Variants in ASCC3 observed in about 807,000 individuals in gnomAD.
ASCC3 encodes the protein activating signal cointegrator 1 complex subunit 3.
ASCC3 carries 158 observed loss-of-function variants against 256.3 expected under a neutral mutation model. The observed-to-expected ratio is 0.62, with a 90% confidence interval of 0.54 to 0.70. The LOEUF (loss-of-function observed/expected upper bound fraction) is 0.70. ASCC3 is among the 30% of genes least tolerant of loss of function. The probability of loss-of-function intolerance (pLI) is 0.00; values close to 1 mark genes in which losing one functional copy is unlikely to be tolerated. For missense variants in ASCC3, 2,259 were observed against 2,626.0 expected (o/e 0.86, Z 3.05); for synonymous variants, 948 against 883.4 (o/e 1.07, Z -1.30).
intron 4 of ASCC3, among the ~76,000 whole-genome samples, chr6:100,819,618 T>TA (rs1046788030): frequency 3.3e-5 from 5 of 151,288 alleles, no homozygotes; most frequent in Non-Finnish European, 7.4e-5. Flanking sequence ...CTGAAGAACT[T>TA]AAGAGTCCGA....
intron 4 of ASCC3, among the ~76,000 whole-genome samples, chr6:100,842,487 C>T (rs1446722698): frequency 6.6e-6 from 1 of 152,064 alleles, no homozygotes; most frequent in African/African-American, 2.4e-5. Flanking sequence ...TGTGTGATAT[C>T]AGAATATACT....
intron 3 of ASCC3, among the ~76,000 whole-genome samples, chr6:100,860,973 C>T (rs950454874): frequency 2.0e-5 from 3 of 151,952 alleles, no homozygotes; most frequent in Admixed American, 6.6e-5. Context: ...TTGCCTTTGA[C>T]AAAGATCAGT....
chr6:100,867,822 A>C, intron 2 of ASCC3, 86 bp downstream of exon 2: 1 of 1,182,782 alleles, frequency 8.5e-7, no homozygotes, highest in Non-Finnish European at 1.2e-6. Context: ...TGTTAACCAC[A>C]TAGAATGGAG....
At chr6:100,791,102 T>A (rs907160291) in intron 8 of ASCC3, among the ~76,000 whole-genome samples, 5 of 151,824 alleles carry the variant, frequency 3.3e-5, no homozygotes, top group African/African-American at 1.2e-4. Context: ...TTGATAAAAA[T>A]TTCTTATTTA....
At chr6:100,612,006 T>G (rs1261512375) in intron 30 of ASCC3, among the ~76,000 whole-genome samples, 1 of 152,058 alleles carries the variant, frequency 6.6e-6, no homozygotes, top group East Asian at 1.9e-4. Context: ...GACCACCTGA[T>G]TGTTAAAAAA....
Position 100,730,238 on chromosome 6 carries a change from G to A in ASCC3, c.1738-4535C>T, listed in dbSNP as rs141109498. On this transcript the variant is annotated intron_variant, in intron 10 of 41. Coordinates refer to ENST00000369162, the MANE Select transcript of ASCC3 (RefSeq NM_006828.4). Reference sequence around the variant, plus strand: ...CTTGAGCCCAGGAGTTCCAGGCTGCGCTGAGCTGTGATCATGCCACTGCAC... The same window carrying A: ...CTTGAGCCCAGGAGTTCCAGGCTGCACTGAGCTGTGATCATGCCACTGCAC... Among the ~76,000 whole-genome samples the A allele has an allele frequency of 1.3e-3, 191 of 152,120 alleles. 1 individual carries two copies. The highest frequency in any genetic ancestry group is 4.0e-3 in the African/African-American group (165 of 41,494).
chr6:100,614,260 G>A (rs1300639207), intron 30 of ASCC3, among the ~76,000 whole-genome samples: 1 of 152,058 alleles, frequency 6.6e-6, no homozygotes, highest in East Asian at 1.9e-4. Context: ...TTCGAAAGTA[G>A]TATATTGTTA....
At chr6:100,592,831 T>C (rs1562147419) in intron 34 of ASCC3, among the ~76,000 whole-genome samples, 1 of 152,128 alleles carries the variant, frequency 6.6e-6, no homozygotes, top group Non-Finnish European at 1.5e-5. Flanking sequence ...CAGTACAAAA[T>C]TTGTAATTTA....
intron 10 of ASCC3, among the ~76,000 whole-genome samples, chr6:100,731,219 A>G (rs1425924469): frequency 6.6e-6 from 1 of 152,228 alleles, no homozygotes; most frequent in African/African-American, 2.4e-5. Flanking sequence ...AAAATTGAAC[A>G]TGTAAAAAAA....
chr6:100,787,917 G>T (rs376905560), intron 8 of ASCC3, among the ~76,000 whole-genome samples: 1 of 150,870 alleles, frequency 6.6e-6, no homozygotes, highest in Admixed American at 6.6e-5. Context: ...ATAACCTCGC[G>T]TGAGGCAAAA....
At chr6:100,739,133 G>A (rs1780312299) in intron 10 of ASCC3, among the ~76,000 whole-genome samples, 1 of 152,136 alleles carries the variant, frequency 6.6e-6, no homozygotes, top group African/African-American at 2.4e-5. Context: ...AGAGTTTATT[G>A]AGAGATTATA....
chr6:100,843,951 T>A (rs938787198), intron 4 of ASCC3, among the ~76,000 whole-genome samples: 2 of 151,472 alleles, frequency 1.3e-5, no homozygotes, highest in African/African-American at 4.9e-5. Context: ...AAACATTATG[T>A]CTCATATATA....
At chr6:100,629,630 G>A (rs981604928) in intron 26 of ASCC3, among the ~76,000 whole-genome samples, 2 of 152,054 alleles carry the variant, frequency 1.3e-5, no homozygotes, top group Non-Finnish European at 2.9e-5. Flanking sequence ...AAAATTATGT[G>A]TAATTTAGAT....
chr6:100,792,622 A>T (rs751414359), intron 8 of ASCC3, among the ~76,000 whole-genome samples: 1 of 151,958 alleles, frequency 6.6e-6, no homozygotes, highest in African/African-American at 2.4e-5. Flanking sequence ...AACTATTTAT[A>T]TATCTGGAAA....
chr6:100,532,639 T>G (rs1479439236), intron 37 of ASCC3, among the ~76,000 whole-genome samples: 1 of 151,736 alleles, frequency 6.6e-6, no homozygotes, highest in South Asian at 2.1e-4. Context: ...AGGGTTGATA[T>G]TAACAAAGGA....
rs559703153 is a variant in ASCC3, at chr6:100,728,001, C to T, written c.1738-2298G>A. Among the ~76,000 whole-genome samples the T allele has an allele frequency of 1.2e-3, 182 of 152,142 alleles. 1 individual carries two copies. The highest frequency in any genetic ancestry group is 7.9e-3 in the South Asian group (38 of 4,828). On this transcript the variant is annotated intron_variant, in intron 10 of 41. Transcript: ENST00000369162. ...TAACTTTTTCTTCCCTAAAGATAAA[C>T]ATCTGCAAATATAACATTATTCTCT... is the stretch of plus-strand genomic sequence containing the variant.
At chr6:100,515,444 T>C (rs1207099608) in intron 39 of ASCC3, among the ~76,000 whole-genome samples, 1 of 152,172 alleles carries the variant, frequency 6.6e-6, no homozygotes, top group East Asian at 1.9e-4. Context: ...CAAGTCAATA[T>C]GTTAATTATG....
At chr6:100,742,343 G>A (rs957684608) in intron 10 of ASCC3, among the ~76,000 whole-genome samples, 2 of 152,182 alleles carry the variant, frequency 1.3e-5, no homozygotes, top group East Asian at 3.9e-4. Context: ...CCAGTCAGGA[G>A]GAACAGAATC....
chr6:100,703,357 T>G (rs920777188), intron 13 of ASCC3, among the ~76,000 whole-genome samples: 2 of 152,000 alleles, frequency 1.3e-5, no homozygotes, highest in African/African-American at 2.4e-5. Flanking sequence ...TCTTCAAGAT[T>G]AGGAGAGAAG....
Sources: allele counts gnomAD v4.1 joint callset (sites outside exome capture counted in the v4.1 genomes callset), GRCh38; gene constraint gnomAD v4.1.1; transcripts MANE v1.5; gene names NCBI Gene and HGNC (gene_info 2026-07-23, HGNC 2026-07-21).